The following TYW1 variants were observed in gnomAD, a reference collection of about 807,000 sequenced individuals.
TYW1 encodes the protein S-adenosyl-L-methionine-dependent tRNA 4-demethylwyosine synthase TYW1.
Under a neutral mutation model 96.2 loss-of-function variants are expected in TYW1, and 46 were observed. That is an observed-to-expected ratio of 0.48 (90% CI 0.38 to 0.61). The LOEUF (loss-of-function observed/expected upper bound fraction) is 0.61, where lower values mean the gene tolerates loss of function less well. TYW1 is among the 20% of genes least tolerant of loss of function. The pLI, the probability that TYW1 is intolerant of heterozygous loss-of-function variation, is 0.00. For synonymous variants in TYW1, 274 were observed against 323.0 expected, an observed-to-expected ratio of 0.85 and a Z score of 1.63; for missense variants, 684 against 909.6, an observed-to-expected ratio of 0.75 and a Z score of 3.19.
intron 15 of TYW1, among the ~76,000 whole-genome samples, chr7:67,236,258 G>A (rs192843768): frequency 1.8e-4 from 27 of 152,324 alleles, no homozygotes; most frequent in Admixed American, 4.6e-4. Flanking sequence ...TTGATACTCA[G>A]ACTTTACATT....
At chr7:67,079,701 G>C (rs2687009) in intron 10 of TYW1, among the ~76,000 whole-genome samples, 2 of 151,988 alleles carry the variant, frequency 1.3e-5, no homozygotes, top group Non-Finnish European at 2.9e-5. Flanking sequence ...TATTTGAAAT[G>C]ATTCTACATT....
intron 7 of TYW1, among the ~76,000 whole-genome samples, chr7:67,031,134 A>G (rs1329179038): frequency 3.7e-5 from 5 of 135,204 alleles, no homozygotes; most frequent in African/African-American, 1.1e-4. Flanking sequence ...CGGAGCTTGC[A>G]GTGAGCTGAG....
intron 13 of TYW1, among the ~76,000 whole-genome samples, chr7:67,148,150 T>A: frequency 6.6e-6 from 1 of 151,940 alleles, no homozygotes; most frequent in East Asian, 1.9e-4. Context: ...ATTGGTCTGT[T>A]GGTTTGAAGT....
chr7:67,076,775 C>A (rs1434439932), intron 10 of TYW1, among the ~76,000 whole-genome samples: 1 of 123,600 alleles, frequency 8.1e-6, no homozygotes, highest in African/African-American at 3.0e-5. Context: ...TGCACTCAGC[C>A]TTTTTTTTTT....
chr7:67,109,834 C>T (rs1797348370), intron 12 of TYW1, among the ~76,000 whole-genome samples: 1 of 152,084 alleles, frequency 6.6e-6, no homozygotes, highest in East Asian at 1.9e-4. Flanking sequence ...GAACTGAAAT[C>T]GCACCATTGC....
At position 67,067,411 on chromosome 7, in the gene TYW1, A is replaced by T; in HGVS notation, c.1274+8A>T. On this transcript the variant is annotated splice_region_variant and intron_variant, in intron 10 of 15. Coordinates refer to ENST00000359626, the MANE Select transcript of TYW1 (RefSeq NM_018264.4). ...ATGTGTCTTCTGTTGGCGGTAAGTA[A>T]AAATGAAAGGTCATGGTGATCGAAT... is the stretch of plus-strand genomic sequence containing the variant. 2 of 1,613,990 alleles carry T rather than the reference A, an allele frequency of 1.2e-6. No homozygotes were observed. The highest frequency in any genetic ancestry group is 2.2e-5 in the South Asian group (2 of 91,078).
At chr7:67,176,953 A>G (rs1799692085) in intron 13 of TYW1, among the ~76,000 whole-genome samples, 2 of 152,048 alleles carry the variant, frequency 1.3e-5, no homozygotes, top group Admixed American at 6.6e-5. Context: ...TTTTCTCAAG[A>G]TGTTGCTAAT....
intron 10 of TYW1, among the ~76,000 whole-genome samples, chr7:67,079,679 T>C (rs1406690177): frequency 6.6e-6 from 1 of 152,128 alleles, no homozygotes; most frequent in African/African-American, 2.4e-5. Context: ...CTGAAGTGCA[T>C]TGTTAGATTG....
chr7:67,158,994 CT>C (rs1799073064), intron 13 of TYW1, among the ~76,000 whole-genome samples: 1 of 152,140 alleles, frequency 6.6e-6, no homozygotes, highest in Non-Finnish European at 1.5e-5. Flanking sequence ...TGATTATTCT[CT>C]TTTGGTTTTC....
chr7:67,220,801 G>A (rs1315277602), intron 15 of TYW1, among the ~76,000 whole-genome samples: 5 of 150,726 alleles, frequency 3.3e-5, no homozygotes, highest in Non-Finnish European at 5.9e-5. Context: ...GCAATGGCGC[G>A]ATCTCGGCTT....
intron 11 of TYW1, among the ~76,000 whole-genome samples, chr7:67,095,016 C>G (rs1179891639): frequency 7.3e-6 from 1 of 137,472 alleles, no homozygotes; most frequent in Non-Finnish European, 1.6e-5. Flanking sequence ...TTTTTTTTTT[C>G]CAGACAGGGT....
intron 10 of TYW1, among the ~76,000 whole-genome samples, chr7:67,081,191 A>G (rs1350782524): frequency 1.7e-5 from 2 of 115,290 alleles, no homozygotes; most frequent in Non-Finnish European, 3.8e-5. Context: ...TTTCTCCTTC[A>G]TTTCCAGAGG....
intron 15 of TYW1, among the ~76,000 whole-genome samples, chr7:67,204,555 TTC>T (rs755970274): frequency 0.018 from 2,281 of 129,684 alleles, 55 homozygotes; most frequent in African/African-American, 0.065. Flanking sequence ...CTTCTTCTTC[TTC>T]TTCTTTCTTC....
intron 15 of TYW1, among the ~76,000 whole-genome samples, chr7:67,232,088 G>A (rs1252026856): frequency 1.5e-4 from 22 of 151,304 alleles, no homozygotes; most frequent in Non-Finnish European, 2.7e-4. Context: ...AAAATTAGCC[G>A]GGCGTGGTGG....
chr7:67,195,976 T>G (rs1194869684), intron 15 of TYW1, among the ~76,000 whole-genome samples: 2 of 152,046 alleles, frequency 1.3e-5, no homozygotes, highest in African/African-American at 4.8e-5. Context: ...TTTAAATACT[T>G]ATTCTTTCTC....
chr7:67,149,723 T>TATCTATC (rs72209720), intron 13 of TYW1, among the ~76,000 whole-genome samples: 2 of 15,916 alleles, frequency 1.3e-4, no homozygotes, highest in Admixed American at 9.1e-4. Flanking sequence ...GGAAAAAAAA[T>TATCTATC]ATCTATCTAT....
chr7:67,159,546 GCTGA>G (rs1799091030), intron 13 of TYW1, among the ~76,000 whole-genome samples: 1 of 152,018 alleles, frequency 6.6e-6, no homozygotes, highest in Admixed American at 6.6e-5. Flanking sequence ...AAAGTGTACA[GCTGA>G]CTTTCTGTAA....
intron 10 of TYW1, among the ~76,000 whole-genome samples, chr7:67,077,606 TG>T (rs572407339): frequency 6.6e-6 from 1 of 152,314 alleles, no homozygotes; most frequent in South Asian, 2.1e-4. Flanking sequence ...TTTTTGCTGT[TG>T]GGTTGTTTGA....
At chr7:67,009,471 T>C (rs1176689156) in intron 3 of TYW1, 112 bp from the exon 4 acceptor site, 3 of 859,618 alleles carry the variant, frequency 3.5e-6, no homozygotes, top group Non-Finnish European at 5.6e-6. Flanking sequence ...TACATATCAG[T>C]CACTGAAAAT....
Sources: gnomAD v4.1 joint callset for allele counts (sites outside exome capture counted in the v4.1 genomes callset) on GRCh38, gnomAD v4.1.1 for gene constraint, MANE v1.5 for transcripts, NCBI Gene and HGNC (gene_info 2026-07-23, HGNC 2026-07-21) for gene names.